Variants in CDH13 observed in about 807,000 individuals in gnomAD.
The protein encoded by CDH13 is cadherin 13.
Under a neutral mutation model 63.8 loss-of-function variants are expected in CDH13, and 24 were observed. The ratio of observed to expected loss-of-function variants is 0.38; its 90% CI spans 0.27 to 0.53. The LOEUF is 0.53. Ranked by LOEUF, CDH13 falls within the 20% of genes least tolerant of loss-of-function variation. The pLI is 0.85. For missense variants in CDH13, 1,049 were observed against 903.1 expected (o/e 1.16, Z -2.07); for synonymous variants, 503 against 355.3 (o/e 1.42, Z -4.67).
chr16:83,067,474 C>G (rs1206278887), intron 3 of CDH13, among the ~76,000 whole-genome samples: 1 of 152,144 alleles, frequency 6.6e-6, no homozygotes, highest in African/African-American at 2.4e-5. Context: ...GTGTTTGAGA[C>G]ATGATTGTGC....
chr16:82,838,875 T>C (rs2038882982), intron 1 of CDH13, among the ~76,000 whole-genome samples: 1 of 152,202 alleles, frequency 6.6e-6, no homozygotes, highest in Non-Finnish European at 1.5e-5. Flanking sequence ...GCCCTCTGGC[T>C]TTTAGTGGGT....
At chr16:83,308,843 A>G (rs985194705) in intron 5 of CDH13, among the ~76,000 whole-genome samples, 12 of 152,256 alleles carry the variant, frequency 7.9e-5, no homozygotes, top group Non-Finnish European at 1.6e-4. Context: ...AAGTTGAAAC[A>G]GAAGTTTACT....
chr16:83,559,938 G>A (rs1308092446), intron 7 of CDH13, among the ~76,000 whole-genome samples: 1 of 152,048 alleles, frequency 6.6e-6, no homozygotes, highest in East Asian at 1.9e-4. Flanking sequence ...CAAACAGTTG[G>A]CCAATATACA....
chr16:83,058,014 C>G (rs1029103314), intron 3 of CDH13, among the ~76,000 whole-genome samples: 1 of 152,190 alleles, frequency 6.6e-6, no homozygotes, highest in Non-Finnish European at 1.5e-5. Context: ...CTTGGATTAT[C>G]ATGACTCACA....
chr16:83,163,913 C>T (rs1172247398), intron 4 of CDH13, among the ~76,000 whole-genome samples: 1 of 152,158 alleles, frequency 6.6e-6, no homozygotes, highest in Non-Finnish European at 1.5e-5. Flanking sequence ...TCAACATCAT[C>T]ATCATCATCG....
intron 4 of CDH13, among the ~76,000 whole-genome samples, chr16:83,199,649 C>T (rs2038969009): frequency 6.6e-6 from 1 of 152,200 alleles, no homozygotes; most frequent in Non-Finnish European, 1.5e-5. Flanking sequence ...GATAAAATTA[C>T]TCTCCGTGAC....
intron 3 of CDH13, among the ~76,000 whole-genome samples, chr16:83,056,754 T>C (rs1190505995): frequency 2.0e-5 from 3 of 152,244 alleles, no homozygotes; most frequent in Non-Finnish European, 4.4e-5. Context: ...GGTAATTGAA[T>C]CACGGGGGTG....
At position 83,026,162 on chromosome 16, in the gene CDH13, A is replaced by T. The variant is rs540949744; in HGVS notation, c.158-5848A>T. On this transcript the variant is annotated intron_variant, in intron 2 of 13. Transcript: ENST00000567109. Reference sequence around the variant, plus strand: ...AGGTCCTGAAACTGCAGTTGTTCTCAGTGTGACCTCACTTGGTACCTCTGA... The same window carrying T: ...AGGTCCTGAAACTGCAGTTGTTCTCTGTGTGACCTCACTTGGTACCTCTGA... 2.0e-5 allele frequency among the ~76,000 whole-genome samples: 3 copies of T among 152,320 alleles called. No homozygotes were observed. In the South Asian group the frequency reaches 6.2e-4, roughly 32 times the overall value.
chr16:83,682,444 A>G (rs1915485010), intron 10 of CDH13, among the ~76,000 whole-genome samples: 1 of 152,142 alleles, frequency 6.6e-6, no homozygotes, highest in Non-Finnish European at 1.5e-5. Context: ...TTTCACAATT[A>G]TGATGAGCAG....
chr16:82,781,956 AAAG>A (rs2035774635), intron 1 of CDH13, among the ~76,000 whole-genome samples: 1 of 152,222 alleles, frequency 6.6e-6, no homozygotes, highest in African/African-American at 2.4e-5. Flanking sequence ...TGAAGGATTC[AAAG>A]AAGGAGGCAC....
intron 1 of CDH13, among the ~76,000 whole-genome samples, chr16:82,744,128 C>T (rs1023989254): frequency 5.9e-5 from 9 of 152,190 alleles, no homozygotes; most frequent in Non-Finnish European, 1.3e-4. Context: ...CTTGATCAGG[C>T]CCATTTCCAC....
chr16:82,744,207 C>A (rs1332715969), intron 1 of CDH13, among the ~76,000 whole-genome samples: 1 of 152,140 alleles, frequency 6.6e-6, no homozygotes, highest in African/African-American at 2.4e-5. Context: ...ACCCAGGAAG[C>A]AAATACCTGG....
intron 1 of CDH13, among the ~76,000 whole-genome samples, chr16:82,694,481 AGAAG>A (rs2030016210): frequency 6.6e-6 from 1 of 152,178 alleles, no homozygotes; most frequent in Admixed American, 6.5e-5. Context: ...TGCAGGCATG[AGAAG>A]GAGGCTGTTT....
intron 10 of CDH13, among the ~76,000 whole-genome samples, chr16:83,723,771 A>G (rs1427098519): frequency 6.6e-6 from 1 of 152,196 alleles, no homozygotes; most frequent in Non-Finnish European, 1.5e-5. Context: ...GTTCTCTTTC[A>G]TATATGCAGA....
At chr16:82,840,512 G>A (rs928962632) in intron 1 of CDH13, among the ~76,000 whole-genome samples, 2 of 151,642 alleles carry the variant, frequency 1.3e-5, no homozygotes, top group South Asian at 2.1e-4. Flanking sequence ...GTGAAACCTC[G>A]TCTCTACTAA....
chr16:83,360,170 A>G (rs994284438), intron 6 of CDH13, among the ~76,000 whole-genome samples: 7 of 152,226 alleles, frequency 4.6e-5, no homozygotes, highest in African/African-American at 1.7e-4. Context: ...TGCTCTCGCC[A>G]TAGGAAATAT....
chr16:83,498,228 A>G (rs4782801), intron 7 of CDH13, among the ~76,000 whole-genome samples: 149,234 of 152,256 alleles, frequency 0.98, 73,208 homozygotes, highest in East Asian at 1. Context: ...GATGAGGGGC[A>G]CTCCCTGGAG....
At chr16:82,841,365 G>C (rs542518519) in intron 1 of CDH13, among the ~76,000 whole-genome samples, 35 of 152,292 alleles carry the variant, frequency 2.3e-4, no homozygotes, top group Non-Finnish European at 4.0e-4. Flanking sequence ...GGAGATACTA[G>C]TGTGGCTGAA....
chr16:83,708,834 G>A (rs1907556684), intron 10 of CDH13, among the ~76,000 whole-genome samples: 1 of 152,042 alleles, frequency 6.6e-6, no homozygotes, highest in African/African-American at 2.4e-5. Context: ...AGACCAGACT[G>A]GCCAATGTGG....
Sources: gnomAD v4.1 joint callset for allele counts (sites outside exome capture counted in the v4.1 genomes callset) on GRCh38, gnomAD v4.1.1 for gene constraint, MANE v1.5 for transcripts, NCBI Gene and HGNC (gene_info 2026-07-23, HGNC 2026-07-21) for gene names.